The following RYR2 variants were observed in gnomAD, a reference collection of about 807,000 sequenced individuals.
The protein encoded by RYR2 is ryanodine receptor 2, also known as cardiac muscle ryanodine receptor-calcium release channel.
Under a neutral mutation model 601.1 loss-of-function variants are expected in RYR2, and 227 were observed. That is an observed-to-expected ratio of 0.38 (90% confidence interval 0.34 to 0.42). RYR2 has a LOEUF of 0.42. Among genes scored for constraint, RYR2 ranks in the 10% least tolerant of loss-of-function variants. The probability of loss-of-function intolerance (pLI) is 1.00; values close to 1 mark genes in which losing one functional copy is unlikely to be tolerated. For synonymous variants in RYR2, 2,223 were observed against 2,175.1 expected (o/e 1.02, Z -0.61); for missense variants, 4,646 against 6,156.5 (o/e 0.75, Z 8.21).
chr1:237,808,257 A>C (rs1468143729), intron 99 of RYR2, among the ~76,000 whole-genome samples: 1 of 152,220 alleles, frequency 6.6e-6, no homozygotes, highest in East Asian at 1.9e-4. Context: ...GGGCAATACA[A>C]ATTTCTATTT....
At chr1:237,043,164 G>T (rs1359469045) in intron 1 of RYR2, among the ~76,000 whole-genome samples, 1 of 152,242 alleles carries the variant, frequency 6.6e-6, no homozygotes, top group East Asian at 1.9e-4. Context: ...TTTCCCCCAA[G>T]TCAAGGTGCT....
chr1:237,369,917 T>C (rs1006580303), intron 6 of RYR2, among the ~76,000 whole-genome samples: 2 of 152,168 alleles, frequency 1.3e-5, no homozygotes, highest in African/African-American at 4.8e-5. Flanking sequence ...TGATTTTGTT[T>C]TGAAGAGTTC....
chr1:237,189,438 T>G (rs1188143391), intron 1 of RYR2, among the ~76,000 whole-genome samples: 2 of 152,166 alleles, frequency 1.3e-5, no homozygotes, highest in African/African-American at 4.8e-5. Context: ...ATGTCGTGGA[T>G]GGAATATGTC....
chr1:237,750,326 G>A (rs917731060), intron 80 of RYR2, among the ~76,000 whole-genome samples: 2 of 151,884 alleles, frequency 1.3e-5, no homozygotes, highest in Admixed American at 1.3e-4. Flanking sequence ...AGAAACCCAT[G>A]CCATGGAGTC....
chr1:237,422,816 A>C (rs1474866084), intron 11 of RYR2, among the ~76,000 whole-genome samples: 1 of 152,196 alleles, frequency 6.6e-6, no homozygotes, highest in Non-Finnish European at 1.5e-5. Context: ...TTTGCATAGA[A>C]TAGGGCGCTG....
intron 1 of RYR2, among the ~76,000 whole-genome samples, chr1:237,092,164 C>T (rs1339179832): frequency 1.3e-5 from 2 of 152,072 alleles, no homozygotes; most frequent in East Asian, 1.9e-4. Context: ...CATAAGGATG[C>T]GTTGTATAAT....
intron 36 of RYR2, among the ~76,000 whole-genome samples, chr1:237,613,560 A>T (rs1461937323): frequency 6.6e-6 from 1 of 152,158 alleles, no homozygotes; most frequent in African/African-American, 2.4e-5. Flanking sequence ...GATCCTTGAT[A>T]CAATGGAGGA....
intron 24 of RYR2, among the ~76,000 whole-genome samples, chr1:237,522,671 T>C (rs1042663423): frequency 3.3e-5 from 5 of 152,246 alleles, no homozygotes; most frequent in Non-Finnish European, 7.3e-5. Context: ...ATCAAATGAA[T>C]GAATTAATAA....
chr1:237,310,084 C>T (rs1349309810), intron 2 of RYR2, among the ~76,000 whole-genome samples: 3 of 152,328 alleles, frequency 2.0e-5, no homozygotes, highest in South Asian at 2.1e-4. Context: ...GGCTGAAACG[C>T]TCCTAAAGCA....
intron 58 of RYR2, among the ~76,000 whole-genome samples, chr1:237,669,487 CGGCTGGCCGGGCGGGG>C (rs1558183099): frequency 7.0e-6 from 1 of 142,482 alleles, no homozygotes; most frequent in Non-Finnish European, 1.6e-5. Flanking sequence ...CCGGACGGGG[CGGCTGGCCGGGCGGGG>C]GGCTGACCCC....
At chr1:237,061,249 CTATCATCT>C (rs1187652144) in intron 1 of RYR2, among the ~76,000 whole-genome samples, 8 of 109,006 alleles carry the variant, frequency 7.3e-5, no homozygotes, top group Non-Finnish European at 6.2e-5. Context: ...ATCTATCTAT[CTATCATCT>C]ATCTATCTAT....
At chr1:237,325,612 T>A (rs1202836440) in intron 2 of RYR2, among the ~76,000 whole-genome samples, 2 of 151,834 alleles carry the variant, frequency 1.3e-5, no homozygotes, top group Admixed American at 6.6e-5. Flanking sequence ...GGCGTGAACG[T>A]GGGTGGAGGA....
At chr1:237,494,168 A>C (rs1052784949) in intron 19 of RYR2, among the ~76,000 whole-genome samples, 3 of 152,170 alleles carry the variant, frequency 2.0e-5, no homozygotes. Flanking sequence ...CATGATCACC[A>C]GGTGAAGTCC....
chr1:237,389,398 G>A (rs1037868105), intron 10 of RYR2, among the ~76,000 whole-genome samples: 2 of 152,154 alleles, frequency 1.3e-5, no homozygotes, highest in Non-Finnish European at 2.9e-5. Flanking sequence ...AGGTTGTTAG[G>A]AAGGGATGTG....
intron 1 of RYR2, among the ~76,000 whole-genome samples, chr1:237,054,256 C>T (rs987276949): frequency 2.0e-5 from 3 of 148,170 alleles, no homozygotes; most frequent in Admixed American, 1.3e-4. Flanking sequence ...TTATCCATCA[C>T]TTCCTCCCTT....
At chr1:237,702,727 A>G (rs975347056) in intron 66 of RYR2, among the ~76,000 whole-genome samples, 2 of 152,134 alleles carry the variant, frequency 1.3e-5, no homozygotes, top group African/African-American at 4.8e-5. Context: ...AATCATTCAA[A>G]AGTTTATTTC....
rs530294172 is a variant in RYR2 at position 237,200,271 on chromosome 1, CT to C, written c.49-70215del. Among the ~76,000 whole-genome samples the C allele has an allele frequency of 5.3e-3, 772 of 146,140 alleles. 8 individuals carry two copies. Among genetic ancestry groups the C allele is most frequent in the African/African-American group, 0.017 (701 of 40,120 alleles). On this transcript the variant is annotated intron_variant, in intron 1 of 104. Coordinates refer to ENST00000366574, the MANE Select transcript of RYR2 (RefSeq NM_001035.3). ...CTTTAACTGCCCCAACCATTCCATT[CT>C]TTTTTTTTTTAGGTAGAGTCTCACT...
At chr1:237,467,403 T>C (rs1237794874) in intron 16 of RYR2, among the ~76,000 whole-genome samples, 2 of 152,146 alleles carry the variant, frequency 1.3e-5, no homozygotes, top group Non-Finnish European at 2.9e-5. Flanking sequence ...CAGATATTCT[T>C]ACAGAATAAA....
At chr1:237,656,084 C>G in intron 53 of RYR2, 100 bp downstream of exon 53, 2 of 1,029,272 alleles carry the variant, frequency 1.9e-6, no homozygotes, top group East Asian at 2.8e-5. Flanking sequence ...ATACATGCCC[C>G]CTTTGAATTG....
Sources: gnomAD v4.1 joint callset for allele counts (sites outside exome capture counted in the v4.1 genomes callset) on GRCh38, gnomAD v4.1.1 for gene constraint, MANE v1.5 for transcripts, NCBI Gene and HGNC (gene_info 2026-07-23, HGNC 2026-07-21) for gene names.